RARB: variants seen among roughly 807,000 people sequenced by gnomAD.
RARB encodes retinoic acid receptor beta.
In RARB, 17 loss-of-function variants were observed where a neutral mutation model predicts 51.9. The observed-to-expected ratio is 0.33, with a 90% CI of 0.22 to 0.49. The LOEUF is 0.49. Ranked by LOEUF, RARB falls within the 20% of genes least tolerant of loss-of-function variation. The pLI is 0.99. For missense variants in RARB, 369 were observed against 550.8 expected, an observed-to-expected ratio of 0.67 and a Z score of 3.30; for synonymous variants, 215 against 195.4, an observed-to-expected ratio of 1.10 and a Z score of -0.84.
At chr3:24,915,545 T>G (rs1200764778) in intron 2 of RARB, among the ~76,000 whole-genome samples, 2 of 152,194 alleles carry the variant, frequency 1.3e-5, no homozygotes, top group African/African-American at 4.8e-5. Flanking sequence ...TAGGAAATCA[T>G]GCCTGATCCA....
chr3:25,553,141 C>T (rs1461549678), intron 3 of RARB, among the ~76,000 whole-genome samples: 1 of 142,890 alleles, frequency 7.0e-6, no homozygotes, highest in Non-Finnish European at 1.5e-5. Context: ...GATTTTTTTC[C>T]TGCCATCTTT....
intron 5 of RARB, among the ~76,000 whole-genome samples, chr3:25,257,287 T>A (rs2125404982): frequency 6.6e-6 from 1 of 152,188 alleles, no homozygotes; most frequent in Middle Eastern, 3.4e-3. Flanking sequence ...AGGGGCATGT[T>A]GGCCAACTGG....
intron 3 of RARB, among the ~76,000 whole-genome samples, chr3:25,554,971 A>G (rs572971920): frequency 1.2e-4 from 18 of 152,166 alleles, no homozygotes; most frequent in Middle Eastern, 3.2e-3. Context: ...TAAATAAGTT[A>G]ATCTACTCCT....
chr3:24,936,153 C>T (rs1410355121), intron 2 of RARB, among the ~76,000 whole-genome samples: 3 of 152,056 alleles, frequency 2.0e-5, no homozygotes, highest in Admixed American at 6.6e-5. Context: ...ATCATTCCAT[C>T]CATGGTCCAT....
At chr3:25,434,529 C>CTTTTTTTTTTT (rs140015265) in intron 1 of RARB, among the ~76,000 whole-genome samples, 3 of 123,034 alleles carry the variant, frequency 2.4e-5, no homozygotes, top group African/African-American at 3.2e-5. Context: ...CTTGGTACTC[C>CTTTTTTTTTTT]TTTTTTTTTT....
chr3:25,342,366 A>C (rs142620005), intron 5 of RARB, among the ~76,000 whole-genome samples: 2 of 152,230 alleles, frequency 1.3e-5, no homozygotes, highest in Non-Finnish European at 2.9e-5. Context: ...CTTTCAAAAA[A>C]TCTCTGGGAG....
At chr3:25,052,107 A>G (rs1371102972) in intron 2 of RARB, among the ~76,000 whole-genome samples, 2 of 152,186 alleles carry the variant, frequency 1.3e-5, no homozygotes, top group Non-Finnish European at 2.9e-5. Context: ...CCTCATACCC[A>G]TTTCACTGGC....
intron 2 of RARB, among the ~76,000 whole-genome samples, chr3:24,899,836 C>CT (rs1181732760): frequency 6.6e-6 from 1 of 152,154 alleles, no homozygotes; most frequent in Non-Finnish European, 1.5e-5. Flanking sequence ...AACATCACCT[C>CT]TTAATGGTTC....
chr3:24,911,425 G>T (rs1197719190), intron 2 of RARB, among the ~76,000 whole-genome samples: 1 of 152,170 alleles, frequency 6.6e-6, no homozygotes, highest in Non-Finnish European at 1.5e-5. Flanking sequence ...GCTGACATCT[G>T]AAAGAAAACT....
chr3:24,911,200 C>T (rs1694983053), intron 2 of RARB, among the ~76,000 whole-genome samples: 1 of 152,106 alleles, frequency 6.6e-6, no homozygotes, highest in South Asian at 2.1e-4. Flanking sequence ...GAAGAAAGTA[C>T]TTGGCTTTGT....
intron 3 of RARB, among the ~76,000 whole-genome samples, chr3:25,530,281 T>C (rs1194602469): frequency 6.6e-6 from 1 of 152,248 alleles, no homozygotes; most frequent in Non-Finnish European, 1.5e-5. Context: ...GTGGAGAGTC[T>C]ACATGGTGAT....
chr3:25,249,413 C>T (rs141643859), intron 5 of RARB, among the ~76,000 whole-genome samples: 11 of 152,054 alleles, frequency 7.2e-5, no homozygotes, highest in East Asian at 1.9e-4. Flanking sequence ...AATTTGAATT[C>T]GTTTTCCAGA....
At chr3:25,201,072 G>A (rs1355588975) in intron 5 of RARB, among the ~76,000 whole-genome samples, 1 of 152,176 alleles carries the variant, frequency 6.6e-6, no homozygotes, top group African/African-American at 2.4e-5. Context: ...TCCTACCCAT[G>A]AGCATGGAAT....
intron 5 of RARB, among the ~76,000 whole-genome samples, chr3:25,271,416 T>C (rs1182413838): frequency 1.3e-5 from 2 of 152,182 alleles, no homozygotes; most frequent in Non-Finnish European, 2.9e-5. Flanking sequence ...AGAGTATTTG[T>C]TTCTTGAGCT....
intron 5 of RARB, among the ~76,000 whole-genome samples, chr3:25,326,453 C>G (rs1191088847): frequency 6.6e-6 from 1 of 152,148 alleles, no homozygotes; most frequent in Non-Finnish European, 1.5e-5. Flanking sequence ...AGACAATTGT[C>G]TAATTTAGAC....
chr3:25,046,434 T>C (rs1698217206), intron 2 of RARB, among the ~76,000 whole-genome samples: 2 of 152,156 alleles, frequency 1.3e-5, no homozygotes, highest in South Asian at 2.1e-4. Flanking sequence ...CCTAGGCTTC[T>C]ATTGGGGTAT....
intron 3 of RARB, among the ~76,000 whole-genome samples, chr3:25,506,273 A>G (rs1299515550): frequency 6.6e-6 from 1 of 151,282 alleles, no homozygotes; most frequent in Admixed American, 6.6e-5. Flanking sequence ...AAAAAAAAAA[A>G]AAACCAGCTC....
intron 2 of RARB, among the ~76,000 whole-genome samples, chr3:25,019,519 ATAAT>A (rs1697583475): frequency 6.6e-6 from 1 of 152,136 alleles, no homozygotes; most frequent in African/African-American, 2.4e-5. Context: ...CCTTCTAAAA[ATAAT>A]TCTTTGTAGC....
At chr3:25,478,396 GT>G (rs1334540101) in intron 2 of RARB, among the ~76,000 whole-genome samples, 9 of 152,192 alleles carry the variant, frequency 5.9e-5, no homozygotes, top group Admixed American at 2.0e-4. Context: ...GATGAAGCAG[GT>G]GGCTTGTTCT....
Sources: allele counts gnomAD v4.1 joint callset (sites outside exome capture counted in the v4.1 genomes callset), GRCh38; gene constraint gnomAD v4.1.1; transcripts MANE v1.5; gene names NCBI Gene and HGNC (gene_info 2026-07-23, HGNC 2026-07-21).